The following ZNF540 variants were observed in gnomAD, a reference collection of about 807,000 sequenced individuals.
ZNF540 encodes CTD-3064H18.6.
In ZNF540, 3 loss-of-function variants were observed where a neutral mutation model predicts 11.8. The ratio of observed to expected loss-of-function variants is 0.25; its 90% confidence interval spans 0.12 to 0.65. The LOEUF (loss-of-function observed/expected upper bound fraction) is 0.65, where lower values mean the gene tolerates loss of function less well. Ranked by LOEUF, ZNF540 falls within the 30% of genes least tolerant of loss-of-function variation. The pLI, the probability that ZNF540 is intolerant of heterozygous loss-of-function variation, is 0.83. For missense variants in ZNF540, 709 were observed against 793.1 expected, an observed-to-expected ratio of 0.89 and a Z score of 1.27; for synonymous variants, 247 against 259.0, an observed-to-expected ratio of 0.95 and a Z score of 0.45.
chr19:37,575,086 C>T (rs973115208), intron 1 of ZNF540, among the ~76,000 whole-genome samples: 3 of 152,178 alleles, frequency 2.0e-5, no homozygotes, highest in Non-Finnish European at 4.4e-5. Flanking sequence ...AATAACAAAA[C>T]TAGAACCTCA....
chr19:37,559,038 T>TA (rs553035947), intron 1 of ZNF540, among the ~76,000 whole-genome samples: 2 of 151,998 alleles, frequency 1.3e-5, no homozygotes, highest in South Asian at 4.2e-4. Context: ...GAAATGGGTT[T>TA]TCACTAACTT....
chr19:37,611,856 T>C lies in ZNF540; in HGVS notation c.576T>C (p.Cys192=), dbSNP rs1454908196. The change falls in exon 5 of 5, where the codon TGT becomes TGC. Residue 192 remains cysteine (C), a synonymous_variant. Coordinates refer to ENST00000316433, the MANE Select transcript of ZNF540 (RefSeq NM_001172225.3). ...DSDVKHDCKE[C]GSTFNNVYQL... is the part of the protein sequence containing the mutation. ...ATGTGAAACATGATTGTAAAGAATG[T>C]GGGAGTACTTTTAATAATGTCTATC... The C allele has an allele frequency of 6.2e-7, 1 of 1,613,942 alleles. No homozygotes were observed. Among genetic ancestry groups the C allele is most frequent in the Non-Finnish European group, 8.5e-7 (1 of 1,179,942 alleles).
intron 1 of ZNF540, among the ~76,000 whole-genome samples, chr19:37,582,245 C>T (rs73033117): frequency 0.17 from 25,401 of 152,062 alleles, 2,424 homozygotes; most frequent in Middle Eastern, 0.3. Flanking sequence ...TTGCCAAACC[C>T]ACCTTGTCAG....
intron 1 of ZNF540, chr19:37,564,999 T>A (rs2042797781): frequency 6.2e-7 from 1 of 1,613,822 alleles, no homozygotes; most frequent in Non-Finnish European, 8.5e-7. Flanking sequence ...CCACATTCCT[T>A]ACATTCATAA....
At chr19:37,585,748 T>C (rs2043650096) in intron 1 of ZNF540, 1 of 152,214 alleles carries the variant, frequency 6.6e-6, no homozygotes, top group Non-Finnish European at 1.5e-5. Context: ...ATGTATACCT[T>C]ACCTTACATG....
At chr19:37,583,527 C>G (rs2043550663) in intron 1 of ZNF540, 1 of 154,984 alleles carries the variant, frequency 6.5e-6, no homozygotes, top group Non-Finnish European at 1.4e-5. Flanking sequence ...GCACACACCT[C>G]AAAGTGCTGC....
At chr19:37,595,772 T>C (rs2043987142) in intron 1 of ZNF540, among the ~76,000 whole-genome samples, 1 of 152,218 alleles carries the variant, frequency 6.6e-6, no homozygotes, top group Non-Finnish European at 1.5e-5. Context: ...CATATGGCTA[T>C]TGAGAAATTG....
In ZNF540 at chr19:37,611,694, TATCA is replaced by T; in HGVS notation, c.415_418del (p.Ile139ValfsTer21). The T allele has an allele frequency of 1.2e-6, 2 of 1,613,918 alleles. No homozygotes were observed. Among genetic ancestry groups the T allele is most frequent in the Non-Finnish European group, 1.7e-6 (2 of 1,179,946 alleles). ...GTCAACAGGGACTTAAAGAAAGATC[TATCA>T]GTCAAAAGAAAATCGTCTCTAAAAA... On this transcript the variant is annotated frameshift_variant, in exon 5 of 5. Transcript: ENST00000316433. LOFTEE classifies it low-confidence loss of function (END_TRUNC).
intron 4 of ZNF540, among the ~76,000 whole-genome samples, chr19:37,608,646 AG>A (rs139746009): frequency 0.26 from 39,983 of 152,044 alleles, 6,403 homozygotes; most frequent in Non-Finnish European, 0.37. Flanking sequence ...ATAGGCCTTT[AG>A]GAGTGCAGTG....
Position 37,598,391 on chromosome 19 carries a change from G to A in ZNF540, c.-57G>A, listed in dbSNP as rs568935368. 1 of 1,606,158 alleles carries A rather than the reference G, an allele frequency of 6.2e-7. No homozygotes were observed. The highest frequency in any genetic ancestry group is 2.2e-5 in the East Asian group (1 of 44,798). On this transcript the variant is annotated 5_prime_UTR_variant, in exon 2 of 5. Transcript: ENST00000316433. ...TCTAACTCAGGCTTCTCAGAACTTT[G>A]CTTCTCCAGCAGAATAATCCTGCGG...
chr19:37,564,350 T>C (rs1283570546), intron 1 of ZNF540: 2 of 339,188 alleles, frequency 5.9e-6, no homozygotes, highest in East Asian at 4.6e-5. Flanking sequence ...AAGAAATATA[T>C]AGGATTTCAG....
intron 1 of ZNF540, among the ~76,000 whole-genome samples, chr19:37,572,241 C>G (rs540542599): frequency 6.6e-6 from 1 of 152,248 alleles, no homozygotes; most frequent in Non-Finnish European, 1.5e-5. Context: ...AAGCTTAAAA[C>G]TCTTTACTGT....
At chr19:37,605,183 G>C (rs1164964330) in intron 4 of ZNF540, among the ~76,000 whole-genome samples, 1 of 152,160 alleles carries the variant, frequency 6.6e-6, no homozygotes, top group Admixed American at 6.5e-5. Flanking sequence ...AAACTGGGCT[G>C]GGCGCAGTAG....
rs942646261 is a variant in ZNF540 at position 37,613,597 on chromosome 19, A to T, written c.*334A>T. ...CACACCTAAAAGTGTGGTTGTTTCC[A>T]ACATGTATAATACAGCAACAACTAT... On this transcript the variant is annotated 3_prime_UTR_variant, in exon 5 of 5. Coordinates refer to ENST00000316433, the MANE Select transcript of ZNF540 (RefSeq NM_001172225.3). The T allele has an allele frequency of 2.5e-6, 1 of 398,818 alleles. No individual in the cohort carries two copies. The highest frequency in any genetic ancestry group is 4.4e-6 in the Non-Finnish European group (1 of 226,072). The allele number at this position is 398,818 out of a possible 1,614,324, so 24.7% of individuals were successfully genotyped here.
At chr19:37,603,165 G>A (rs2044053776) in intron 4 of ZNF540, among the ~76,000 whole-genome samples, 1 of 151,908 alleles carries the variant, frequency 6.6e-6, no homozygotes, top group Non-Finnish European at 1.5e-5. Context: ...CTGCCACCAC[G>A]CCTGGCTAAT....
At chr19:37,559,106 G>A (rs943088824) in intron 1 of ZNF540, among the ~76,000 whole-genome samples, 4 of 151,920 alleles carry the variant, frequency 2.6e-5, no homozygotes, top group African/African-American at 7.3e-5. Context: ...CCCAATATGC[G>A]AGGAATACAG....
Position 37,612,565 on chromosome 19 carries a change from C to A in ZNF540, c.1285C>A (p.His429Asn). Residue 429 changes from histidine (H) to asparagine (N), a missense_variant, in exon 5 of 5, where the codon CAT becomes AAT. Transcript: ENST00000316433. ...TAGTTATAGTGGTGACCTCAGAGTA[C>A]ATTCTAGAATTCATACTGGAGAGAA... ...AFSYSGDLRV[H>N]SRIHTGEKPY... 2.5e-6 allele frequency: 4 copies of A among 1,614,042 alleles called. No individual in the cohort carries two copies. Among genetic ancestry groups the A allele is most frequent in the South Asian group, 1.1e-5 (1 of 91,082 alleles).
intron 1 of ZNF540, among the ~76,000 whole-genome samples, chr19:37,577,562 A>G (rs571310616): frequency 2.5e-4 from 38 of 152,340 alleles, no homozygotes; most frequent in Admixed American, 7.2e-4. Flanking sequence ...TGAATTAACA[A>G]CAATTTTACA....
intron 4 of ZNF540, among the ~76,000 whole-genome samples, chr19:37,603,839 T>C (rs1241465516): frequency 1.3e-5 from 2 of 152,194 alleles, no homozygotes; most frequent in African/African-American, 2.4e-5. Context: ...AAGTTCTATA[T>C]AGTATGTTGA....
Sources: gnomAD v4.1 joint callset for allele counts (sites outside exome capture counted in the v4.1 genomes callset) on GRCh38, gnomAD v4.1.1 for gene constraint, MANE v1.5 for transcripts, NCBI Gene and HGNC (gene_info 2026-07-23, HGNC 2026-07-21) for gene names.